Variants in DRD4 observed in about 807,000 individuals in gnomAD.
DRD4 encodes D(4) dopamine receptor.
Under a neutral mutation model 22.1 loss-of-function variants are expected in DRD4, and 26 were observed. The observed-to-expected ratio is 1.17, with a 90% CI of 0.86 to 1.63. The LOEUF is 1.63. Among genes scored for constraint, DRD4 ranks in the 40% most tolerant of loss-of-function variants. DRD4 has a pLI of 0.00. For missense variants in DRD4, 913 were observed against 632.4 expected, an observed-to-expected ratio of 1.44 and a Z score of -4.76; for synonymous variants, 455 against 306.7, an observed-to-expected ratio of 1.48 and a Z score of -5.05.
chr11:638,904 G>A (rs1858131336), intron 1 of DRD4, among the ~76,000 whole-genome samples: 1 of 152,164 alleles, frequency 6.6e-6, no homozygotes, highest in African/African-American at 2.4e-5. Flanking sequence ...AAACATACCA[G>A]GCCTGGTCTC....
intron 1 of DRD4, among the ~76,000 whole-genome samples, chr11:638,047 G>A (rs1713349340): frequency 6.6e-6 from 1 of 152,194 alleles, no homozygotes; most frequent in African/African-American, 2.4e-5. Context: ...TGCAGATGCT[G>A]GCACACCCCC....
Position 639,829 on chromosome 11 carries a change from G to C in DRD4, c.580G>C (p.Val194Leu), listed in dbSNP as rs1435933756. The stretch of plus-strand genomic sequence containing the variant: ...CCGCCTGGAGGACCGCGACTACGTG[G>C]TCTACTCGTCCGTGTGCTCCTTCTT... ...VCRLEDRDYV[V>L]YSSVCSFFLP... Residue 194 changes from valine to leucine, a missense_variant, in exon 3 of 4, where the codon GTC becomes CTC. Val to Leu is a conservative substitution (Grantham distance 32). Coordinates refer to ENST00000176183, the MANE Select transcript of DRD4 (RefSeq NM_000797.4). 5.0e-6 allele frequency: 8 copies of C among 1,584,688 alleles called. No homozygotes were observed. In the African/African-American group the frequency reaches 6.8e-5, roughly 13 times the overall value.
rs1385206491 is a variant in DRD4, at chr11:640,540, C to T, written c.1197C>T (p.Ile399=). ...TCAACAGCGCCCTCAACCCCGTCATCTACACTGTCTTCAACGCCGAGTTCC... is the reference window on the plus strand; with the variant it reads ...TCAACAGCGCCCTCAACCCCGTCATTTACACTGTCTTCAACGCCGAGTTCC... ...GYVNSALNPV[I]YTVFNAEFRN... is the part of the protein sequence containing the mutation. Residue 399 remains isoleucine, a synonymous_variant, in exon 4 of 4, where the codon ATC becomes ATT. Coordinates refer to ENST00000176183, the MANE Select transcript of DRD4 (RefSeq NM_000797.4). 1 of 1,600,664 alleles carries T rather than the reference C, an allele frequency of 6.2e-7. No individual in the cohort carries two copies. The highest frequency in any genetic ancestry group is 8.5e-7 in the Non-Finnish European group (1 of 1,179,766).
chr11:639,568 G>T, intron 2 of DRD4, 23 bp downstream of exon 2: 1 of 1,401,580 alleles, frequency 7.1e-7, no homozygotes, highest in Non-Finnish European at 9.3e-7. Flanking sequence ...CCCCGCCCGC[G>T]CCCCGGCGCC....
Position 639,726 on chromosome 11 carries a change from G to A in DRD4, c.477G>A (p.Thr159=), listed in dbSNP as rs1388951301. Residue 159 remains threonine (T), a synonymous_variant, in exon 3 of 4, where the codon ACG becomes ACA. Transcript: ENST00000176183. ...SRRQLLLIGA[T]WLLSAAVAAP... ...GGCAGCTGCTGCTCATCGGCGCCAC[G>A]TGGCTGCTGTCCGCGGCGGTGGCGG... The A allele has an allele frequency of 2.0e-6, 3 of 1,514,300 alleles. No homozygotes were observed. The highest frequency in any genetic ancestry group is 4.1e-5 in the Admixed American group (2 of 49,080). 93.8% of individuals were successfully genotyped at this position (1,514,300 alleles called of 1,614,324 possible).
rs1479099070 is a variant in DRD4, at chr11:640,522, C to T, written c.1179C>T (p.Ser393=). The T allele has an allele frequency of 6.3e-7, 1 of 1,599,344 alleles. No homozygotes were observed. The highest frequency in any genetic ancestry group is 8.5e-7 in the Non-Finnish European group (1 of 1,179,152). Residue 393 remains serine (S), a synonymous_variant, in exon 4 of 4, where the codon AGC becomes AGT. Transcript: ENST00000176183. ...TCACCTGGCTGGGCTACGTCAACAG[C>T]GCCCTCAACCCCGTCATCTACACTG... The part of the protein sequence containing the change: ...SAVTWLGYVN[S]ALNPVIYTVF...
Position 640,703 on chromosome 11 carries a change from C to G in DRD4, c.*100C>G, listed in dbSNP as rs375367029. ...TACGTTAATTAAACAAATTCCTTCC[C>G]AAACTCAGCTGTGAAGGCTCCTGGG... On this transcript the variant is annotated 3_prime_UTR_variant, in exon 4 of 4. Coordinates refer to ENST00000176183, the MANE Select transcript of DRD4 (RefSeq NM_000797.4). 1.2e-4 allele frequency: 166 copies of G among 1,418,322 alleles called. 1 individual carries two copies. The Middle Eastern group carries it at 2.0e-3, about 17-fold the overall frequency. 87.9% of individuals were successfully genotyped at this position (1,418,322 alleles called of 1,614,324 possible).
Position 637,527 on chromosome 11 carries a change from A to G in DRD4, c.223A>G (p.Ser75Gly). 6.4e-7 allele frequency: 1 copy of G among 1,564,928 alleles called. No homozygotes were observed. Among genetic ancestry groups the G allele is most frequent in the South Asian group, 1.2e-5 (1 of 85,600 alleles). Residue 75 changes from serine to glycine, a missense_variant, in exon 1 of 4, where the codon AGC becomes GGC. Physicochemically the swap from Ser to Gly is moderately conservative, Grantham distance 56. Transcript: ENST00000176183. ...GACGCCCACCAACTCCTTCATCGTG[A>G]GCCTGGCGGCCGCCGACCTCCTCCT... ...LQTPTNSFIV[S>G]LAAADLLLAL... is the part of the protein sequence containing the mutation.
chr11:639,332 C>T (rs1179404315), intron 1 of DRD4, 101 bp from the exon 2 acceptor site: 1 of 1,150,108 alleles, frequency 8.7e-7, no homozygotes, highest in Non-Finnish European at 1.2e-6. Context: ...GCCGGGCCCC[C>T]TTCTCCGTAT....
chr11:639,247 C>CCTAA (rs796549132), intron 1 of DRD4, 186 bp from the exon 2 acceptor site: 22 of 619,528 alleles, frequency 3.6e-5, no homozygotes, highest in Admixed American at 9.5e-5. Flanking sequence ...ACAGCGAGAC[C>CCTAA]CTAACTCAAA....
rs1453810423 is a variant in DRD4 at position 640,140 on chromosome 11, C to T, written c.891C>T (p.Pro297=). 11 of 1,468,774 alleles carry T rather than the reference C, an allele frequency of 7.5e-6. 1 individual carries two copies. The highest frequency in any genetic ancestry group is 4.6e-5 in the Admixed American group (2 of 43,216). The allele number at this position is 1,468,774 out of a possible 1,614,324, so 91.0% of individuals were successfully genotyped here. ...CCTGCGGCCCCGACTGTGCGCCCCC[C>T]GCGCCCGGCCTCCCCCCGGACCCCT... is the stretch of plus-strand genomic sequence containing the variant. The part of the protein sequence containing the change: ...QDPCGPDCAP[P]APGLPPDPCG... The change falls in exon 3 of 4, where the codon CCC becomes CCT. Residue 297 remains proline (P), a synonymous_variant. Coordinates refer to ENST00000176183, the MANE Select transcript of DRD4 (RefSeq NM_000797.4).
At position 637,304 on chromosome 11, in the gene DRD4, C is replaced by T. The variant is rs1858078345; in HGVS notation, c.-1C>T. On this transcript the variant is annotated 5_prime_UTR_variant, in exon 1 of 4. Transcript: ENST00000176183. Reference sequence around the variant, plus strand: ...GTGCTCAGCGCCCGCCCGGGCGCGCCATGGGGAACCGCAGCACCGCGGACG... The same window carrying T: ...GTGCTCAGCGCCCGCCCGGGCGCGCTATGGGGAACCGCAGCACCGCGGACG... The T allele has an allele frequency of 2.5e-6, 3 of 1,211,964 alleles. No individual in the cohort carries two copies. The highest frequency in any genetic ancestry group is 7.0e-5 in the South Asian group (2 of 28,616). The allele number at this position is 1,211,964 out of a possible 1,614,324, so 75.1% of individuals were successfully genotyped here.
At chr11:638,557 A>T (rs1858121503) in intron 1 of DRD4, among the ~76,000 whole-genome samples, 1 of 152,164 alleles carries the variant, frequency 6.6e-6, no homozygotes, top group African/African-American at 2.4e-5. Flanking sequence ...TTTTAATTAT[A>T]ATTTATCTTC....
chr11:639,783 C>T lies in DRD4; in HGVS notation c.534C>T (p.Arg178=). 6.3e-7 allele frequency: 1 copy of T among 1,578,078 alleles called. No individual in the cohort carries two copies. The highest frequency in any genetic ancestry group is 8.5e-7 in the Non-Finnish European group (1 of 1,170,770). ...TACTGTGCGGCCTCAACGACGTGCG[C>T]GGCCGCGACCCCGCCGTGTGCCGCC... ...APVLCGLNDV[R]GRDPAVCRLE... The change falls in exon 3 of 4, where the codon CGC becomes CGT. Residue 178 remains arginine (R), a synonymous_variant. Transcript: ENST00000176183.
Position 639,869 on chromosome 11 carries a change from T to A in DRD4, c.620T>A (p.Leu207His), listed in dbSNP as rs1005192041. 1 of 1,584,876 alleles carries A rather than the reference T, an allele frequency of 6.3e-7. No homozygotes were observed. Among genetic ancestry groups the A allele is most frequent in the Non-Finnish European group, 8.5e-7 (1 of 1,173,234 alleles). The change falls in exon 3 of 4, where the codon CTC becomes CAC. Residue 207 changes from leucine to histidine, a missense_variant. Physicochemically the swap from Leu to His is moderately conservative, Grantham distance 99 (BLOSUM62 -3). Coordinates refer to ENST00000176183, the MANE Select transcript of DRD4 (RefSeq NM_000797.4). ...SVCSFFLPCPLMLLLYWATFR... is the reference protein window; with the variant it reads ...SVCSFFLPCPHMLLLYWATFR... Reference sequence around the variant, plus strand: ...TGCTCCTTCTTCCTACCCTGCCCGCTCATGCTGCTGCTCTACTGGGCCACG... The same window carrying A: ...TGCTCCTTCTTCCTACCCTGCCCGCACATGCTGCTGCTCTACTGGGCCACG...
At chr11:639,387 C>T (rs1188833109) in intron 1 of DRD4, 46 bp from the exon 2 acceptor site, 8 of 1,528,898 alleles carry the variant, frequency 5.2e-6, no homozygotes, top group Non-Finnish European at 7.0e-6. Context: ...GTCACAAGGG[C>T]CCGCGGTGGC....
intron 1 of DRD4, among the ~76,000 whole-genome samples, chr11:637,986 G>GAC (rs67940799): frequency 7.3e-5 from 11 of 151,618 alleles, no homozygotes; most frequent in South Asian, 4.2e-4. Context: ...GCTGCCGTGG[G>GAC]ACACACACAC....
Position 640,387 on chromosome 11 carries a change from C to T in DRD4, c.1058-14C>T, listed in dbSNP as rs758519223. 7.5e-6 allele frequency: 12 copies of T among 1,595,996 alleles called. No homozygotes were observed. The South Asian group carries it at 7.7e-5, about 10-fold the overall frequency. On this transcript the variant is annotated splice_polypyrimidine_tract_variant and intron_variant, in intron 3 of 3. Transcript: ENST00000176183. ...CTGGGCGGGGGGCGCTAACGCGGCT[C>T]TCGGCGCCCCCAGGGGCCTTCCTGC...
At position 639,327 on chromosome 11, in the gene DRD4, G is replaced by T. The variant is rs1404239494; in HGVS notation, c.286-106G>T. Reference sequence around the variant, plus strand: ...CCTCTGGCCTCTGGCTCACAGCCGGGCCCCCTTCTCCGTATTCAGCCCTGG... The same window carrying T: ...CCTCTGGCCTCTGGCTCACAGCCGGTCCCCCTTCTCCGTATTCAGCCCTGG... On this transcript the variant is annotated intron_variant, in intron 1 of 3. Coordinates refer to ENST00000176183, the MANE Select transcript of DRD4 (RefSeq NM_000797.4). 8.4e-6 allele frequency: 9 copies of T among 1,068,876 alleles called. No individual in the cohort carries two copies. In the African/African-American group the frequency reaches 1.3e-4, roughly 15 times the overall value. 66.2% of individuals were successfully genotyped at this position (1,068,876 alleles called of 1,614,324 possible). A position where few individuals can be genotyped will look rare whatever the true frequency, so the allele number is the denominator to read the frequency against.
Sources: gnomAD v4.1 joint callset for allele counts (sites outside exome capture counted in the v4.1 genomes callset) on GRCh38, gnomAD v4.1.1 for gene constraint, MANE v1.5 for transcripts, NCBI Gene and HGNC (gene_info 2026-07-23, HGNC 2026-07-21) for gene names.